Variants in GLIS3 observed in about 807,000 individuals in gnomAD.
GLIS3 encodes GLIS family zinc finger 3, also known as zinc finger protein GLIS3.
Under a neutral mutation model 78.6 loss-of-function variants are expected in GLIS3, and 53 were observed. The ratio of observed to expected loss-of-function variants is 0.67; its 90% CI spans 0.54 to 0.85. GLIS3 has a LOEUF of 0.85. Ranked by LOEUF, GLIS3 falls within the 40% of genes least tolerant of loss-of-function variation. The pLI is 0.00. For synonymous variants in GLIS3, 684 were observed against 509.9 expected (o/e 1.34, Z -4.60); for missense variants, 1,703 against 1,231.1 (o/e 1.38, Z -5.74).
At chr9:4,327,007 C>T (rs1356054027) in intron 2 of GLIS3, among the ~76,000 whole-genome samples, 1 of 152,176 alleles carries the variant, frequency 6.6e-6, no homozygotes, top group African/African-American at 2.4e-5. Context: ...GAGCAAGATA[C>T]ACAGCTTAGA....
At chr9:4,096,806 G>C (rs981322576) in intron 4 of GLIS3, among the ~76,000 whole-genome samples, 1 of 152,128 alleles carries the variant, frequency 6.6e-6, no homozygotes, top group African/African-American at 2.4e-5. Flanking sequence ...GAACCCTGGA[G>C]CTCAAGACCA....
chr9:4,064,016 T>C (rs1397559964), intron 4 of GLIS3, among the ~76,000 whole-genome samples: 1 of 152,172 alleles, frequency 6.6e-6, no homozygotes, highest in Admixed American at 6.5e-5. Context: ...ACTTTTTTTT[T>C]CAACTCTGAA....
intron 2 of GLIS3, among the ~76,000 whole-genome samples, chr9:4,143,459 C>T (rs1833964487): frequency 6.6e-6 from 1 of 151,788 alleles, no homozygotes; most frequent in Non-Finnish European, 1.5e-5. Flanking sequence ...CCCAGCTACT[C>T]AGGAGGCTGA....
chr9:3,972,719 TGTGTGTTTA>T (rs1254762782), intron 4 of GLIS3, among the ~76,000 whole-genome samples: 5 of 152,218 alleles, frequency 3.3e-5, no homozygotes, highest in Admixed American at 3.3e-4. Context: ...TCTTTCTATC[TGTGTGTTTA>T]GTTTATATAT....
chr9:4,242,341 G>A (rs1374060613), intron 2 of GLIS3, among the ~76,000 whole-genome samples: 1 of 152,116 alleles, frequency 6.6e-6, no homozygotes, highest in Admixed American at 6.5e-5. Context: ...GCCCAGGTTT[G>A]GCTATTACCC....
At chr9:4,407,969 C>T in the GLIS3 span, among the ~76,000 whole-genome samples, 1 of 152,084 alleles carries the variant, frequency 6.6e-6, no homozygotes, top group Non-Finnish European at 1.5e-5. Context: ...TCTGAAAAGA[C>T]ATTTCTAAGA....
rs535483357 is a variant in GLIS3, at chr9:4,231,025, T to C, written c.388+55013A>G. On this transcript the variant is annotated intron_variant, in intron 2 of 10. Coordinates refer to ENST00000381971, the MANE Select transcript of GLIS3 (RefSeq NM_001042413.2). ...AGTTTGAGGCTGTAGTGAGCTATGA[T>C]TGTGACACTGCACTCCAGCCTAGGC... Among the ~76,000 whole-genome samples, 11 of 152,244 alleles carry C rather than the reference T, an allele frequency of 7.2e-5. No homozygotes were observed. The East Asian group carries it at 2.1e-3, about 29-fold the overall frequency.
chr9:3,857,901 A>T (rs1031264967), intron 8 of GLIS3, among the ~76,000 whole-genome samples: 1 of 152,164 alleles, frequency 6.6e-6, no homozygotes, highest in Non-Finnish European at 1.5e-5. Flanking sequence ...CGTGTCTTAC[A>T]AGTTGCTCTG....
chr9:4,363,077 C>G, the GLIS3 span, among the ~76,000 whole-genome samples: 3 of 152,134 alleles, frequency 2.0e-5, no homozygotes, highest in Non-Finnish European at 4.4e-5. Flanking sequence ...GCCCAAGAGA[C>G]AGCTTTGACT....
chr9:3,892,698 G>T (rs949840838), intron 7 of GLIS3, among the ~76,000 whole-genome samples: 29 of 151,982 alleles, frequency 1.9e-4, no homozygotes, highest in African/African-American at 7.0e-4. Flanking sequence ...CTCTTCACAG[G>T]AAAGAGACAT....
In GLIS3 at chr9:4,286,140, G is replaced by T; in HGVS notation, c.286C>A (p.Pro96Thr). Residue 96 changes from proline (P) to threonine (T), a missense_variant, in exon 2 of 11, where the codon CCG (proline) becomes ACG (threonine). Pro to Thr is a conservative substitution (Grantham distance 38). Coordinates refer to ENST00000381971, the MANE Select transcript of GLIS3 (RefSeq NM_001042413.2). The part of the protein sequence containing the change: ...PRRQMLTNGK[P>T]RFQVTQAGGM... ...CCAGCCTGGGTGACCTGGAATCGCG[G>T]CTTCCCATTGGTGAGCATTTGTCTC... 1 of 1,613,814 alleles carries T rather than the reference G, an allele frequency of 6.2e-7. No homozygotes were observed. Among genetic ancestry groups the T allele is most frequent in the Non-Finnish European group, 8.5e-7 (1 of 1,179,682 alleles).
rs76138329 is a variant in GLIS3 at position 4,271,436 on chromosome 9, T to C, written c.388+14602A>G. Among the ~76,000 whole-genome samples, 810 of 152,260 alleles carry C rather than the reference T, an allele frequency of 5.3e-3. 3 individuals carry two copies. The highest frequency in any genetic ancestry group is 8.1e-3 in the Non-Finnish European group (549 of 68,010). On this transcript the variant is annotated intron_variant, in intron 2 of 10. Coordinates refer to ENST00000381971, the MANE Select transcript of GLIS3 (RefSeq NM_001042413.2). ...GGTCAATGGTATATATCCTATTGGTTCTGTTTCCCTGTAGAACTCTGAGTA... is the reference window on the plus strand; with the variant it reads ...GGTCAATGGTATATATCCTATTGGTCCTGTTTCCCTGTAGAACTCTGAGTA...
intron 2 of GLIS3, among the ~76,000 whole-genome samples, chr9:4,171,747 T>A (rs1682593772): frequency 6.6e-6 from 1 of 152,192 alleles, no homozygotes; most frequent in East Asian, 1.9e-4. Flanking sequence ...TAGAACTTGG[T>A]CTACAGTGGT....
chr9:3,883,620 A>C (rs1247044991), intron 7 of GLIS3, among the ~76,000 whole-genome samples: 1 of 152,244 alleles, frequency 6.6e-6, no homozygotes, highest in Non-Finnish European at 1.5e-5. Context: ...TCCAGGATAC[A>C]GGGCAATATT....
At chr9:4,198,873 A>G (rs1446674679) in intron 2 of GLIS3, among the ~76,000 whole-genome samples, 1 of 152,234 alleles carries the variant, frequency 6.6e-6, no homozygotes, top group African/African-American at 2.4e-5. Flanking sequence ...TCTCAGCAGA[A>G]ACCTTATAAG....
chr9:4,197,675 C>G (rs1818993093), intron 2 of GLIS3, among the ~76,000 whole-genome samples: 1 of 152,198 alleles, frequency 6.6e-6, no homozygotes, highest in African/African-American at 2.4e-5. Context: ...GAGGAGGGAG[C>G]TCAGACCACT....
the GLIS3 span, among the ~76,000 whole-genome samples, chr9:4,361,362 A>C: frequency 3.3e-5 from 5 of 152,322 alleles, no homozygotes; most frequent in Middle Eastern, 3.4e-3. Context: ...ATTGCATTAA[A>C]GTTAAACTTC....
At chr9:3,921,107 G>C (rs1246661003) in intron 6 of GLIS3, among the ~76,000 whole-genome samples, 4 of 152,222 alleles carry the variant, frequency 2.6e-5, no homozygotes, top group African/African-American at 9.6e-5. Context: ...ATTATGCACA[G>C]TGGTGTCATG....
At chr9:4,151,772 C>A (rs1834698572) in intron 2 of GLIS3, among the ~76,000 whole-genome samples, 3 of 152,106 alleles carry the variant, frequency 2.0e-5, no homozygotes, top group South Asian at 4.1e-4. Context: ...GGCACAGAGA[C>A]CATGCCTGGT....
Sources: allele counts gnomAD v4.1 joint callset (sites outside exome capture counted in the v4.1 genomes callset), GRCh38; gene constraint gnomAD v4.1.1; transcripts MANE v1.5; gene names NCBI Gene and HGNC (gene_info 2026-07-23, HGNC 2026-07-21).